Variants in HECW2 observed in about 807,000 individuals in gnomAD.
HECW2 encodes E3 ubiquitin-protein ligase HECW2.
Under a neutral mutation model 175.2 loss-of-function variants are expected in HECW2, and 61 were observed. That is an observed-to-expected ratio of 0.35 (90% CI 0.28 to 0.43). The LOEUF is 0.43. Ranked by LOEUF, HECW2 falls within the 20% of genes least tolerant of loss-of-function variation. The probability of loss-of-function intolerance (pLI) is 1.00; values close to 1 mark genes in which losing one functional copy is unlikely to be tolerated. For synonymous variants in HECW2, 671 were observed against 731.0 expected (o/e 0.92, Z 1.32); for missense variants, 1,524 against 2,000.5 (o/e 0.76, Z 4.54).
chr2:196,268,615 TGGA>T (rs935238143), intron 17 of HECW2, among the ~76,000 whole-genome samples: 1 of 152,160 alleles, frequency 6.6e-6, no homozygotes, highest in African/African-American at 2.4e-5. Flanking sequence ...TCTCTGATGG[TGGA>T]GATTTAAAGA....
intron 1 of HECW2, among the ~76,000 whole-genome samples, chr2:196,493,983 G>A (rs576967307): frequency 2.0e-5 from 3 of 152,290 alleles, no homozygotes; most frequent in Non-Finnish European, 2.9e-5. Context: ...GATAAATTGC[G>A]CTAGAAACAA....
At chr2:196,431,494 A>G (rs564790072) in intron 2 of HECW2, among the ~76,000 whole-genome samples, 1 of 152,340 alleles carries the variant, frequency 6.6e-6, no homozygotes, top group South Asian at 2.1e-4. Flanking sequence ...AGGATTTTTT[A>G]AACTACAATT....
intron 21 of HECW2, among the ~76,000 whole-genome samples, chr2:196,237,202 T>G (rs2105869361): frequency 6.6e-6 from 1 of 152,296 alleles, no homozygotes; most frequent in African/African-American, 2.4e-5. Context: ...TTATTCTTGT[T>G]TATTTCAATA....
intron 1 of HECW2, among the ~76,000 whole-genome samples, chr2:196,554,069 T>C (rs1689700089): frequency 6.6e-6 from 1 of 152,190 alleles, no homozygotes; most frequent in African/African-American, 2.4e-5. Context: ...CCGGGCGCGG[T>C]GGCTCACGCC....
intron 2 of HECW2, among the ~76,000 whole-genome samples, chr2:196,429,935 G>C (rs1460036360): frequency 1.3e-5 from 2 of 152,214 alleles, no homozygotes; most frequent in Non-Finnish European, 2.9e-5. Flanking sequence ...GCTTTATAGA[G>C]AGCAGCTTTA....
chr2:196,591,685 T>A (rs2125541401), intron 1 of HECW2, among the ~76,000 whole-genome samples: 1 of 150,678 alleles, frequency 6.6e-6, no homozygotes, highest in Admixed American at 6.6e-5. Context: ...TTCTGAAGAA[T>A]ACAATGACCC....
intron 21 of HECW2, 120 bp downstream of exon 21, chr2:196,240,329 A>G (rs1023195152): frequency 1.1e-5 from 7 of 626,026 alleles, no homozygotes; most frequent in Non-Finnish European, 1.6e-5. Context: ...GTTTAAGTGT[A>G]TGAGAACAGC....
intron 15 of HECW2, among the ~76,000 whole-genome samples, chr2:196,276,654 C>T (rs560204016): frequency 6.6e-6 from 1 of 152,236 alleles, no homozygotes; most frequent in South Asian, 2.1e-4. Flanking sequence ...GTTGTTAGTG[C>T]CATTCAGTTC....
chr2:196,506,536 C>T (rs932965838), intron 1 of HECW2, among the ~76,000 whole-genome samples: 1 of 152,078 alleles, frequency 6.6e-6, no homozygotes, highest in African/African-American at 2.4e-5. Flanking sequence ...TGAGCATGCA[C>T]CCACACACGC....
At chr2:196,588,515 A>G (rs1691068761) in intron 1 of HECW2, among the ~76,000 whole-genome samples, 1 of 152,250 alleles carries the variant, frequency 6.6e-6, no homozygotes, top group African/African-American at 2.4e-5. Context: ...AGATCCAAAG[A>G]GTTTAGTTAA....
chr2:196,476,142 CAA>C (rs60181654), intron 1 of HECW2, among the ~76,000 whole-genome samples: 3 of 144,460 alleles, frequency 2.1e-5, no homozygotes, highest in African/African-American at 2.5e-5. Flanking sequence ...GTTTCCTCAT[CAA>C]AAAAAAAAAG....
Position 196,197,764 on chromosome 2 carries a change from A to C in HECW2, c.*3513T>G, listed in dbSNP as rs1686737091. 6.6e-6 allele frequency: 1 copy of C among 152,222 alleles called. No homozygotes were observed. Among genetic ancestry groups the C allele is most frequent in the African/African-American group, 2.4e-5 (1 of 41,456 alleles). The allele number at this position is 152,222 out of a possible 1,614,324, so 9.4% of individuals were successfully genotyped here. A position where few individuals can be genotyped will look rare whatever the true frequency, so the allele number is the denominator to read the frequency against. ...AAACTGATGCCACAAGCCATCCATG[A>C]AAATCAGCCACAACCCAGATGGAAC... On this transcript the variant is annotated 3_prime_UTR_variant, in exon 29 of 29. Transcript: ENST00000644978.
rs1234638894 is a variant in HECW2, at chr2:196,195,775, T to TA, written c.*5501dup. 3 of 152,296 alleles carry TA rather than the reference T, an allele frequency of 2.0e-5. No individual in the cohort carries two copies. The highest frequency in any genetic ancestry group is 4.1e-4 in the South Asian group (2 of 4,826). The allele number at this position is 152,296 out of a possible 1,614,324, so 9.4% of individuals were successfully genotyped here. A position where few individuals can be genotyped will look rare whatever the true frequency, so the allele number is the denominator to read the frequency against. On this transcript the variant is annotated 3_prime_UTR_variant, in exon 29 of 29. Coordinates refer to ENST00000644978, the MANE Select transcript of HECW2 (RefSeq NM_001348768.2). ...AATAATAGTAACAATAATTCTTAAA[T>TA]AAAAAAATCCACAACATAATTTTAT... is the stretch of plus-strand genomic sequence containing the variant.
intron 1 of HECW2, among the ~76,000 whole-genome samples, chr2:196,499,455 T>A (rs1002030341): frequency 6.6e-6 from 1 of 152,166 alleles, no homozygotes; most frequent in Non-Finnish European, 1.5e-5. Context: ...ATAATTTACA[T>A]TACAAATATA....
At chr2:196,506,113 G>A (rs1687755070) in intron 1 of HECW2, among the ~76,000 whole-genome samples, 1 of 151,874 alleles carries the variant, frequency 6.6e-6, no homozygotes, top group Non-Finnish European at 1.5e-5. Context: ...GAAAGGGGAT[G>A]GCATAATATG....
At chr2:196,400,281 GCATCACTCCTGTTACATA>G (rs1694782506) in intron 2 of HECW2, among the ~76,000 whole-genome samples, 1 of 152,186 alleles carries the variant, frequency 6.6e-6, no homozygotes, top group Non-Finnish European at 1.5e-5. Flanking sequence ...CAAAGAAATT[GCATCACTCCTGTTACATA>G]CATCAGTGAG....
chr2:196,348,553 CAG>C (rs1693048396), intron 2 of HECW2, among the ~76,000 whole-genome samples: 1 of 152,120 alleles, frequency 6.6e-6, no homozygotes, highest in Admixed American at 6.5e-5. Flanking sequence ...AAGGCTGAGA[CAG>C]GGGTGTCCCT....
At chr2:196,222,428 G>A in intron 23 of HECW2, 88 bp from the exon 24 acceptor site, 3 of 1,319,174 alleles carry the variant, frequency 2.3e-6, no homozygotes, top group Non-Finnish European at 3.1e-6. Context: ...AAGAATTAAA[G>A]AGAAGAATAA....
chr2:196,341,052 T>A (rs528904719), intron 3 of HECW2, among the ~76,000 whole-genome samples: 1 of 152,190 alleles, frequency 6.6e-6, no homozygotes, highest in South Asian at 2.1e-4. Flanking sequence ...TATTTAACTA[T>A]AGCCTAATCA....
Sources: gnomAD v4.1 joint callset for allele counts (sites outside exome capture counted in the v4.1 genomes callset) on GRCh38, gnomAD v4.1.1 for gene constraint, MANE v1.5 for transcripts, NCBI Gene and HGNC (gene_info 2026-07-23, HGNC 2026-07-21) for gene names.